Variants in SNAPC4 observed in about 807,000 individuals in gnomAD.
SNAPC4 encodes the protein small nuclear RNA activating complex polypeptide 4.
SNAPC4 carries 127 observed loss-of-function variants against 151.3 expected under a neutral mutation model. The ratio of observed to expected loss-of-function variants is 0.84; its 90% CI spans 0.73 to 0.97. The LOEUF is 0.97. Ranked by LOEUF, SNAPC4 falls within the 50% of genes least tolerant of loss-of-function variation. The pLI is 0.00. For synonymous variants in SNAPC4, 1,002 were observed against 824.4 expected, an observed-to-expected ratio of 1.22 and a Z score of -3.69; for missense variants, 2,186 against 1,935.0, an observed-to-expected ratio of 1.13 and a Z score of -2.43.
chr9:136,395,547 T>C, intron 4 of SNAPC4, 56 bp downstream of exon 4: 2 of 1,515,652 alleles, frequency 1.3e-6, no homozygotes, highest in Non-Finnish European at 1.8e-6. Context: ...GGCCCAGCTG[T>C]GGGGGGCTCT....
Position 136,395,556 on chromosome 9 carries a change from C to T in SNAPC4, c.345+47G>A, listed in dbSNP as rs1327555286. On this transcript the variant is annotated intron_variant, in intron 4 of 23. Transcript: ENST00000684778. ...CTGGGAGGCCCAGCTGTGGGGGGCT[C>T]TGGGGGTGGGGAGGTGTGGGCACCG... The T allele has an allele frequency of 3.3e-6, 5 of 1,534,336 alleles. No homozygotes were observed. In the Admixed American group the frequency reaches 8.9e-5, roughly 27 times the overall value.
chr9:136,395,283 G>A lies in SNAPC4; in HGVS notation c.471+15C>T, dbSNP rs768081328. On this transcript the variant is annotated intron_variant, in intron 5 of 23. Coordinates refer to ENST00000684778, the MANE Select transcript of SNAPC4 (RefSeq NM_003086.4). ...GCAGAGCCTTGCCGACAAGAGCAGG[G>A]CCTCGGCCACTCACCACGCCCGTGA... 3.9e-5 allele frequency: 63 copies of A among 1,611,370 alleles called. No homozygotes were observed. In the South Asian group the frequency reaches 6.4e-4, roughly 16 times the overall value.
At chr9:136,388,164 G>A (rs1833953371) in intron 11 of SNAPC4, among the ~76,000 whole-genome samples, 1 of 152,062 alleles carries the variant, frequency 6.6e-6, no homozygotes, top group Non-Finnish European at 1.5e-5. Context: ...CTACTTGGGA[G>A]GCTGAGGCAC....
chr9:136,376,944 G>C (rs74588921), intron 22 of SNAPC4, among the ~76,000 whole-genome samples: 3,300 of 152,276 alleles, frequency 0.022, 53 homozygotes, highest in Non-Finnish European at 0.035. Flanking sequence ...TGCTTCTGGT[G>C]GTTTCTCAGG....
Position 136,383,894 on chromosome 9 carries a change from A to C in SNAPC4, c.1500+59T>G. 2 of 1,233,126 alleles carry C rather than the reference A, an allele frequency of 1.6e-6. No individual in the cohort carries two copies. Among genetic ancestry groups the C allele is most frequent in the Non-Finnish European group, 2.4e-6 (2 of 848,454 alleles). 76.4% of individuals were successfully genotyped at this position (1,233,126 alleles called of 1,614,324 possible). ...CCCCTCCCCTCCTCCTGCCTGCTGG[A>C]CCCCCCAGTTGACCAGGCCATTGTC... On this transcript the variant is annotated intron_variant, in intron 15 of 23. Transcript: ENST00000684778. This position sits in a 1 kb window ranked among gnomAD's most constrained non-coding sequence, Gnocchi z 4.2.
intron 22 of SNAPC4, 147 bp downstream of exon 22, chr9:136,377,396 G>A (rs1319070306): frequency 1.9e-6 from 2 of 1,040,126 alleles, no homozygotes; most frequent in Non-Finnish European, 2.6e-6. Context: ...GGCAGGCCAG[G>A]AACCAGCTTC....
chr9:136,382,445 G>A lies in SNAPC4; in HGVS notation c.1984-109C>T. Reference sequence around the variant, plus strand: ...CCTCTTCACCCAGGCTCCAAAGCGTGGCTGTGTACAGCTCTGCTCTGCCTC... The same window carrying A: ...CCTCTTCACCCAGGCTCCAAAGCGTAGCTGTGTACAGCTCTGCTCTGCCTC... On this transcript the variant is annotated intron_variant, in intron 16 of 23. Coordinates refer to ENST00000684778, the MANE Select transcript of SNAPC4 (RefSeq NM_003086.4). The A allele has an allele frequency of 8.5e-6, 8 of 937,276 alleles. No individual in the cohort carries two copies. The South Asian group carries it at 1.2e-4, about 14-fold the overall frequency. 58.1% of individuals were successfully genotyped at this position (937,276 alleles called of 1,614,324 possible).
At chr9:136,392,813 C>G (rs993979291) in intron 7 of SNAPC4, 36 bp from the exon 8 acceptor site, 17 of 1,572,560 alleles carry the variant, frequency 1.1e-5, no homozygotes, top group Non-Finnish European at 1.5e-5. Flanking sequence ...GGCTGGGGCA[C>G]GAGGGCTGCG....
intron 3 of SNAPC4, among the ~76,000 whole-genome samples, chr9:136,396,188 C>T (rs1158852194): frequency 4.6e-5 from 7 of 152,202 alleles, no homozygotes; most frequent in Admixed American, 6.5e-5. Context: ...AGGAAGTGGA[C>T]GCAGTGAAAA....
At chr9:136,380,097 C>T (rs1036008962) in intron 20 of SNAPC4, among the ~76,000 whole-genome samples, 1 of 152,178 alleles carries the variant, frequency 6.6e-6, no homozygotes, top group South Asian at 2.1e-4. Context: ...GAGTGGGCAG[C>T]GGTGCTGGAG....
chr9:136,386,888 G>A (rs2131486492), intron 13 of SNAPC4, among the ~76,000 whole-genome samples: 1 of 152,220 alleles, frequency 6.6e-6, no homozygotes, highest in Non-Finnish European at 1.5e-5. Context: ...AAGTAGCTGG[G>A]ATTACAGGCG....
At chr9:136,379,931 G>T (rs1465163062) in intron 20 of SNAPC4, 67 bp from the exon 21 acceptor site, 15 of 1,517,750 alleles carry the variant, frequency 9.9e-6, no homozygotes, top group Non-Finnish European at 1.4e-5. Context: ...ACCTCTCCTA[G>T]CATCTGGACT....
Position 136,378,721 on chromosome 9 carries a change from C to T in SNAPC4, c.3106G>A (p.Gly1036Ser). 1 of 1,504,712 alleles carries T rather than the reference C, an allele frequency of 6.6e-7. No individual in the cohort carries two copies. The highest frequency in any genetic ancestry group is 8.9e-7 in the Non-Finnish European group (1 of 1,126,786). The allele number at this position is 1,504,712 out of a possible 1,614,324, so 93.2% of individuals were successfully genotyped here. ...AGAAAGGGTGGCGCCTCAGGCAGGC[C>T]CTGCTTCCGGGATGCAGCGGGGGCC... Reference protein sequence around the residue: ...SQAPAASRKQGLPEAPPFLPA... With the variant: ...SQAPAASRKQSLPEAPPFLPA... Residue 1036 changes from glycine to serine, a missense_variant, in exon 22 of 24, where the codon GGC becomes AGC. Transcript: ENST00000684778.
At position 136,382,028 on chromosome 9, in the gene SNAPC4, C is replaced by T. The variant is rs1223185514; in HGVS notation, c.2113G>A (p.Val705Ile). Residue 705 changes from valine (V) to isoleucine (I), a missense_variant, in exon 18 of 24, where the codon GTC becomes ATC. By Grantham distance (29) the Val-to-Ile change is conservative. Transcript: ENST00000684778. ...CGGGCCACGCTGTCACCAGAGCTGA[C>T]CCCTGGGGATGAGGTGGGCAGGGGT... ...QPPLPTSSPG[V>I]SSGDSVARSH... is the part of the protein sequence containing the mutation. 2.5e-6 allele frequency: 4 copies of T among 1,605,342 alleles called. No individual in the cohort carries two copies. Among genetic ancestry groups the T allele is most frequent in the African/African-American group, 2.7e-5 (2 of 74,716 alleles).
chr9:136,378,001 G>T lies in SNAPC4; in HGVS notation c.3826C>A (p.Gln1276Lys). 6.2e-7 allele frequency: 1 copy of T among 1,600,872 alleles called. No homozygotes were observed. ...TGCTGTGTGGCCGCCTCGCCCTCCT[G>T]GGACAGCAGGCCCAGGTCCAGGGCC... ...KGALDLGLLS[Q>K]EGEAATQQWL... Residue 1276 changes from glutamine to lysine, a missense_variant, in exon 22 of 24, where the codon CAG becomes AAG. By Grantham distance (53) the Gln-to-Lys change is moderately conservative. Coordinates refer to ENST00000684778, the MANE Select transcript of SNAPC4 (RefSeq NM_003086.4).
At chr9:136,379,765 G>C (rs1046002243) in intron 21 of SNAPC4, 72 bp downstream of exon 21, 8 of 1,421,886 alleles carry the variant, frequency 5.6e-6, no homozygotes, top group Admixed American at 5.2e-5. Flanking sequence ...GAAAGCCAGG[G>C]CCAGGTTAGG....
intron 4 of SNAPC4, 33 bp downstream of exon 4, chr9:136,395,570 G>A: frequency 6.3e-7 from 1 of 1,590,616 alleles, no homozygotes; most frequent in Non-Finnish European, 8.6e-7. Context: ...GGGTGGGGAG[G>A]TGTGGGCACC....
chr9:136,385,308 G>A (rs894590061), intron 13 of SNAPC4, among the ~76,000 whole-genome samples: 2 of 152,166 alleles, frequency 1.3e-5, no homozygotes, highest in Non-Finnish European at 2.9e-5. Flanking sequence ...GTGGAAAACC[G>A]GAGCCCTCAT....
chr9:136,392,005 C>A lies in SNAPC4; in HGVS notation c.912G>T (p.Arg304=), dbSNP rs773218685. 23 of 1,610,782 alleles carry A rather than the reference C, an allele frequency of 1.4e-5. No individual in the cohort carries two copies. Among genetic ancestry groups the A allele is most frequent in the Non-Finnish European group, 1.7e-5 (20 of 1,179,980 alleles). The part of the protein sequence containing the change: ...KQEWSREEEE[R]LQAIAAAHGH... Reference sequence around the variant, plus strand: ...CGTGTGCAGCCGCGATCGCCTGCAGCCGCTCCTCCTCCTCCCTGCTCCACT... The same window carrying A: ...CGTGTGCAGCCGCGATCGCCTGCAGACGCTCCTCCTCCTCCCTGCTCCACT... Residue 304 remains arginine (R), a synonymous_variant, in exon 10 of 24, where the codon CGG becomes CGT. Transcript: ENST00000684778.
Sources: allele counts gnomAD v4.1 joint callset (sites outside exome capture counted in the v4.1 genomes callset), GRCh38; gene constraint gnomAD v4.1.1; non-coding constraint Gnocchi (gnomAD v3.1); transcripts MANE v1.5; gene names NCBI Gene and HGNC (gene_info 2026-07-23, HGNC 2026-07-21).